The following HMGA2 variants were observed in gnomAD, a reference collection of about 807,000 sequenced individuals.
HMGA2 encodes high mobility group protein HMGI-C.
HMGA2 carries 8 observed loss-of-function variants against 19.1 expected under a neutral mutation model. That is an observed-to-expected ratio of 0.42 (90% CI 0.25 to 0.76). HMGA2 has a LOEUF of 0.76. Among genes scored for constraint, HMGA2 ranks in the 30% least tolerant of loss-of-function variants. The pLI is 0.28. For synonymous variants in HMGA2, 60 were observed against 48.8 expected, an observed-to-expected ratio of 1.23 and a Z score of -0.96; for missense variants, 109 against 136.3, an observed-to-expected ratio of 0.80 and a Z score of 1.00.
At chr12:65,905,155 G>T (rs940677630) in intron 3 of HMGA2, among the ~76,000 whole-genome samples, 20 of 151,420 alleles carry the variant, frequency 1.3e-4, no homozygotes, top group African/African-American at 4.4e-4. Flanking sequence ...GATTATTTTG[G>T]GAGTAGGTTA....
chr12:65,845,272 CGTTTT>C (rs1871185479), intron 3 of HMGA2, among the ~76,000 whole-genome samples: 2 of 151,580 alleles, frequency 1.3e-5, no homozygotes, highest in South Asian at 2.1e-4. Context: ...TGTTTTGTTT[CGTTTT>C]GTTTTGTTTT....
intron 3 of HMGA2, among the ~76,000 whole-genome samples, chr12:65,907,787 G>A (rs1400337732): frequency 6.6e-6 from 1 of 152,140 alleles, no homozygotes; most frequent in Non-Finnish European, 1.5e-5. Flanking sequence ...TCTGGGAAGT[G>A]GTAGACATGG....
At chr12:65,829,309 T>G (rs1201126744) in intron 2 of HMGA2, among the ~76,000 whole-genome samples, 1 of 152,214 alleles carries the variant, frequency 6.6e-6, no homozygotes, top group East Asian at 1.9e-4. Context: ...CTTCTTAGAG[T>G]TTAGATTTAA....
At chr12:65,926,643 A>G (rs906339154) in intron 3 of HMGA2, among the ~76,000 whole-genome samples, 1 of 152,186 alleles carries the variant, frequency 6.6e-6, no homozygotes, top group Non-Finnish European at 1.5e-5. Context: ...AACCACTACC[A>G]TTTTCTTTCG....
At chr12:65,891,143 C>T (rs963953999) in intron 3 of HMGA2, among the ~76,000 whole-genome samples, 1 of 152,152 alleles carries the variant, frequency 6.6e-6, no homozygotes. Context: ...GAAACTCAGC[C>T]GCTCTGACCC....
chr12:65,959,496 C>T (rs73329614), intron 4 of HMGA2, among the ~76,000 whole-genome samples: 6,801 of 152,274 alleles, frequency 0.045, 514 homozygotes, highest in African/African-American at 0.15. Flanking sequence ...TGTTTCGGCC[C>T]GGTACCTCAC....
Position 65,951,421 on chromosome 12 carries a change from A to G in HMGA2, c.282+6A>G. 1 of 1,518,118 alleles carries G rather than the reference A, an allele frequency of 6.6e-7. No individual in the cohort carries two copies. The highest frequency in any genetic ancestry group is 8.9e-7 in the Non-Finnish European group (1 of 1,118,720). 94.0% of individuals were successfully genotyped at this position (1,518,118 alleles called of 1,614,324 possible). A position where few individuals can be genotyped will look rare whatever the true frequency, so the allele number is the denominator to read the frequency against. ...TTCAGAAGAAGCCTGCTCAGGTAAG[A>G]CATAGTCATTAATTTTTTTCTCCCA... On this transcript the variant is annotated splice_donor_region_variant and intron_variant, in intron 4 of 4. Coordinates refer to ENST00000403681, the MANE Select transcript of HMGA2 (RefSeq NM_003483.6).
intron 3 of HMGA2, among the ~76,000 whole-genome samples, chr12:65,903,020 A>G (rs1874437303): frequency 6.6e-6 from 1 of 152,182 alleles, no homozygotes; most frequent in Non-Finnish European, 1.5e-5. Flanking sequence ...AAGAGAATAC[A>G]TTATTCGTAT....
In HMGA2 at chr12:65,964,659, T is replaced by G; in HGVS notation, c.*1367T>G. On this transcript the variant is annotated 3_prime_UTR_variant, in exon 5 of 5. Coordinates refer to ENST00000403681, the MANE Select transcript of HMGA2 (RefSeq NM_003483.6). ...GTAGGTGATTCTAATCATCTGCAGT[T>G]CTTTTTGTACACTTAATTACAGTTA... is the stretch of plus-strand genomic sequence containing the variant. 1 of 209,072 alleles carries G rather than the reference T, an allele frequency of 4.8e-6. No homozygotes were observed. The highest frequency in any genetic ancestry group is 7.4e-5 in the East Asian group (1 of 13,598). 13.0% of individuals were successfully genotyped at this position (209,072 alleles called of 1,614,324 possible). A position where few individuals can be genotyped will look rare whatever the true frequency, so the allele number is the denominator to read the frequency against.
intron 3 of HMGA2, among the ~76,000 whole-genome samples, chr12:65,950,942 T>A (rs1876436411): frequency 6.6e-6 from 1 of 152,204 alleles, no homozygotes; most frequent in African/African-American, 2.4e-5. Context: ...ATTTTTGTTT[T>A]TTTTGAGATA....
At chr12:65,871,806 AC>A (rs897215803) in intron 3 of HMGA2, among the ~76,000 whole-genome samples, 1 of 151,966 alleles carries the variant, frequency 6.6e-6, no homozygotes, top group African/African-American at 2.4e-5. Context: ...CCCATACTTT[AC>A]TCTGTTAGTT....
chr12:65,866,413 A>G (rs192786987), intron 3 of HMGA2, among the ~76,000 whole-genome samples: 103 of 152,290 alleles, frequency 6.8e-4, no homozygotes, highest in African/African-American at 2.4e-3. Context: ...GTCTGGGTGG[A>G]CTTGATGGAG....
At chr12:65,882,945 T>A (rs1873493870) in intron 3 of HMGA2, among the ~76,000 whole-genome samples, 1 of 152,218 alleles carries the variant, frequency 6.6e-6, no homozygotes, top group Non-Finnish European at 1.5e-5. Flanking sequence ...GATGTTGAAT[T>A]GTTTAATCAA....
At chr12:65,868,287 G>GT (rs1872537366) in intron 3 of HMGA2, among the ~76,000 whole-genome samples, 1 of 151,936 alleles carries the variant, frequency 6.6e-6, no homozygotes, top group Non-Finnish European at 1.5e-5. Context: ...GCAGTATCAC[G>GT]TTTCTGACTT....
intron 3 of HMGA2, among the ~76,000 whole-genome samples, chr12:65,894,847 T>C (rs1350447388): frequency 6.6e-6 from 1 of 152,154 alleles, no homozygotes; most frequent in Non-Finnish European, 1.5e-5. Context: ...TTATGTATGC[T>C]CAATTATTTG....
intron 3 of HMGA2, among the ~76,000 whole-genome samples, chr12:65,909,128 G>A (rs1428488737): frequency 6.6e-6 from 1 of 152,036 alleles, no homozygotes; most frequent in East Asian, 1.9e-4. Context: ...TCACACATTA[G>A]CAATGTAATA....
intron 3 of HMGA2, chr12:65,866,852 A>T (rs1039366613): frequency 2.2e-6 from 1 of 457,016 alleles, no homozygotes; most frequent in Non-Finnish European, 4.4e-6. Flanking sequence ...TGCCCTCTCA[A>T]CCCATCTGAG....
At chr12:65,848,158 G>T (rs540437982) in intron 3 of HMGA2, among the ~76,000 whole-genome samples, 1 of 152,232 alleles carries the variant, frequency 6.6e-6, no homozygotes, top group East Asian at 1.9e-4. Context: ...ATAGCATTCT[G>T]CTTTCCAAAA....
intron 3 of HMGA2, among the ~76,000 whole-genome samples, chr12:65,903,792 G>A (rs533478319): frequency 1.0e-3 from 159 of 152,304 alleles, no homozygotes; most frequent in Non-Finnish European, 1.7e-3. Context: ...GTTATGCCAC[G>A]TCTTTTGGCT....
Sources: gnomAD v4.1 joint callset for allele counts (sites outside exome capture counted in the v4.1 genomes callset) on GRCh38, gnomAD v4.1.1 for gene constraint, MANE v1.5 for transcripts, NCBI Gene and HGNC (gene_info 2026-07-23, HGNC 2026-07-21) for gene names.